The following IFTAP variants were observed in gnomAD, a reference collection of about 807,000 sequenced individuals.
The protein encoded by IFTAP is intraflagellar transport associated protein, also known as intraflagellar transport-associated protein.
A neutral mutation model predicts 19.4 loss-of-function variants in IFTAP; 19 were observed. The ratio of observed to expected loss-of-function variants is 0.98; its 90% CI spans 0.68 to 1.44. IFTAP has a LOEUF of 1.44. Among genes scored for constraint, IFTAP ranks in the 40% most tolerant of loss-of-function variants. The pLI is 0.00. For missense variants in IFTAP, 240 were observed against 253.6 expected (o/e 0.95, Z 0.36); for synonymous variants, 85 against 83.5 (o/e 1.02, Z -0.10).
At chr11:36,624,744 G>A (rs191813392) in intron 2 of IFTAP, among the ~76,000 whole-genome samples, 3 of 152,054 alleles carry the variant, frequency 2.0e-5, no homozygotes, top group Admixed American at 1.3e-4. Context: ...ACAAGGGTGT[G>A]GGGGGGTGTC....
At chr11:36,615,875 G>A (rs1852064666) in intron 2 of IFTAP, among the ~76,000 whole-genome samples, 1 of 151,880 alleles carries the variant, frequency 6.6e-6, no homozygotes, top group Admixed American at 6.6e-5. Flanking sequence ...GGGACAATTT[G>A]ACTTCCTTTT....
chr11:36,610,367 T>G, intron 2 of IFTAP, 128 bp downstream of exon 2: 2 of 857,068 alleles, frequency 2.3e-6, no homozygotes, highest in Non-Finnish European at 3.5e-6. Context: ...CAGGTAATTC[T>G]TACTAGGGCA....
At chr11:36,650,017 G>A (rs1432138327) in intron 5 of IFTAP, among the ~76,000 whole-genome samples, 1 of 152,000 alleles carries the variant, frequency 6.6e-6, no homozygotes, top group Non-Finnish European at 1.5e-5. Flanking sequence ...TGCTCAACTC[G>A]TATATATTCT....
At chr11:36,653,994 T>C (rs1277630708) in intron 5 of IFTAP, among the ~76,000 whole-genome samples, 1 of 152,170 alleles carries the variant, frequency 6.6e-6, no homozygotes. Flanking sequence ...AAGTCTTTCC[T>C]ATCCTTAACA....
In IFTAP at chr11:36,633,449, C is replaced by T; in HGVS notation, c.291+11C>T. On this transcript the variant is annotated intron_variant, in intron 3 of 5. Transcript: ENST00000334307. ...TGTTTGGAAGAACAGGTAATACCAA[C>T]ATAGTACATGTATAGAAACAATCTC... 1.3e-6 allele frequency: 2 copies of T among 1,549,996 alleles called. No homozygotes were observed. Among genetic ancestry groups the T allele is most frequent in the Non-Finnish European group, 1.7e-6 (2 of 1,150,490 alleles).
chr11:36,624,606 T>A (rs1036030512), intron 2 of IFTAP, among the ~76,000 whole-genome samples: 1 of 152,130 alleles, frequency 6.6e-6, no homozygotes, highest in Non-Finnish European at 1.5e-5. Flanking sequence ...GAGAGAGAAA[T>A]CAAATTCTTG....
At chr11:36,626,235 A>C (rs1032131259) in intron 2 of IFTAP, among the ~76,000 whole-genome samples, 5 of 151,394 alleles carry the variant, frequency 3.3e-5, no homozygotes, top group African/African-American at 1.2e-4. Flanking sequence ...GGAATAGATC[A>C]GACATTTTTG....
intron 4 of IFTAP, 92 bp from the exon 5 acceptor site, chr11:36,647,924 G>A: frequency 7.0e-7 from 1 of 1,438,758 alleles, no homozygotes; most frequent in Non-Finnish European, 9.5e-7. Flanking sequence ...GAGCATATTT[G>A]CTTCATTTTC....
chr11:36,647,990 C>T (rs753325053), intron 4 of IFTAP, 26 bp from the exon 5 acceptor site: 1 of 1,603,084 alleles, frequency 6.2e-7, no homozygotes, highest in South Asian at 1.1e-5. Context: ...GCGAAAGGCT[C>T]AGTTGAAATG....
At chr11:36,611,315 C>T (rs147302209) in intron 2 of IFTAP, among the ~76,000 whole-genome samples, 150 of 152,172 alleles carry the variant, frequency 9.9e-4, no homozygotes, top group African/African-American at 3.4e-3. Flanking sequence ...ATTAGACTCA[C>T]CTGACTCGCT....
intron 2 of IFTAP, among the ~76,000 whole-genome samples, chr11:36,631,637 T>G (rs1408949934): frequency 6.6e-6 from 1 of 151,052 alleles, no homozygotes; most frequent in Non-Finnish European, 1.5e-5. Context: ...TGTAACCCCT[T>G]CAGTTACAGA....
intron 1 of IFTAP, among the ~76,000 whole-genome samples, chr11:36,609,579 A>G (rs2133375537): frequency 6.6e-6 from 1 of 152,236 alleles, no homozygotes; most frequent in East Asian, 1.9e-4. Context: ...GTTTAAAGGC[A>G]TGGTTTCTAG....
chr11:36,629,709 A>T (rs1456537266), intron 2 of IFTAP, among the ~76,000 whole-genome samples: 1 of 151,402 alleles, frequency 6.6e-6, no homozygotes, highest in East Asian at 1.9e-4. Flanking sequence ...CAAGGTGTGT[A>T]ACCTTTTTCT....
chr11:36,644,240 A>C (rs1007039314), intron 4 of IFTAP, among the ~76,000 whole-genome samples: 16 of 152,218 alleles, frequency 1.1e-4, no homozygotes. Flanking sequence ...CAACGGGCAC[A>C]TGAAAAAATG....
intron 5 of IFTAP, 144 bp downstream of exon 5, chr11:36,648,299 C>T (rs1590233218): frequency 1.1e-6 from 1 of 943,120 alleles, no homozygotes; most frequent in East Asian, 2.6e-5. Flanking sequence ...CTCTCACAGC[C>T]ATCTATCTCA....
chr11:36,644,930 A>G (rs915048237), intron 4 of IFTAP, among the ~76,000 whole-genome samples: 1 of 151,894 alleles, frequency 6.6e-6, no homozygotes, highest in Non-Finnish European at 1.5e-5. Flanking sequence ...GCACACCAAC[A>G]TGGCACATGT....
At chr11:36,630,577 G>T (rs1484580046) in intron 2 of IFTAP, among the ~76,000 whole-genome samples, 2 of 151,328 alleles carry the variant, frequency 1.3e-5, no homozygotes, top group Non-Finnish European at 2.9e-5. Context: ...AGTTTCATCT[G>T]GTTACCTGTC....
intron 1 of IFTAP, among the ~76,000 whole-genome samples, chr11:36,608,526 A>G (rs755102704): frequency 3.3e-5 from 5 of 152,228 alleles, no homozygotes; most frequent in Non-Finnish European, 5.9e-5. Flanking sequence ...CTATGTAAGA[A>G]GAATACTTTA....
intron 2 of IFTAP, among the ~76,000 whole-genome samples, chr11:36,623,169 A>C (rs554484427): frequency 2.0e-5 from 3 of 152,278 alleles, no homozygotes; most frequent in South Asian, 2.1e-4. Context: ...TTGCCCCAAG[A>C]TTCAGTAGTT....
Sources: gnomAD v4.1 joint callset for allele counts (sites outside exome capture counted in the v4.1 genomes callset) on GRCh38, gnomAD v4.1.1 for gene constraint, MANE v1.5 for transcripts, NCBI Gene and HGNC (gene_info 2026-07-23, HGNC 2026-07-21) for gene names.